Variants in DISC1 observed in about 807,000 individuals in gnomAD.
The protein encoded by DISC1 is disrupted in schizophrenia 1 protein.
DISC1 carries 57 observed loss-of-function variants against 84.5 expected under a neutral mutation model. The ratio of observed to expected loss-of-function variants is 0.67; its 90% confidence interval spans 0.55 to 0.84. The LOEUF (loss-of-function observed/expected upper bound fraction) is 0.84. Ranked by LOEUF, DISC1 falls within the 40% of genes least tolerant of loss-of-function variation. DISC1 has a pLI of 0.00. For missense variants in DISC1, 1,000 were observed against 1,057.8 expected (o/e 0.95, Z 0.76); for synonymous variants, 411 against 415.2 (o/e 0.99, Z 0.12).
intron 6 of DISC1, chr1:231,771,512 A>G: frequency 1.0e-6 from 1 of 985,442 alleles, no homozygotes; most frequent in Non-Finnish European, 1.2e-6. Flanking sequence ...GGAAGAATGG[A>G]TTGTTACTGG....
intron 9 of DISC1, among the ~76,000 whole-genome samples, chr1:231,953,549 T>C (rs759630734): frequency 4.6e-5 from 7 of 152,234 alleles, no homozygotes; most frequent in Non-Finnish European, 8.8e-5. Flanking sequence ...ACCTTAGATA[T>C]TTGAAAATTT....
intron 9 of DISC1, among the ~76,000 whole-genome samples, chr1:231,850,978 C>T (rs962518630): frequency 6.6e-6 from 1 of 152,178 alleles, no homozygotes; most frequent in Non-Finnish European, 1.5e-5. Context: ...GAAACCAGCA[C>T]TGGCAGGGTG....
intron 3 of DISC1, among the ~76,000 whole-genome samples, chr1:231,747,517 T>A (rs1172336052): frequency 6.6e-6 from 1 of 152,198 alleles, no homozygotes; most frequent in African/African-American, 2.4e-5. Context: ...GAGACCTTCT[T>A]TTCCCCGATT....
intron 9 of DISC1, among the ~76,000 whole-genome samples, chr1:231,873,429 A>G (rs2085614352): frequency 1.3e-5 from 2 of 152,202 alleles, no homozygotes; most frequent in Non-Finnish European, 2.9e-5. Context: ...TCCTTTGACT[A>G]GCGCCCCTTC....
At chr1:231,827,447 G>A (rs1335376275) in intron 9 of DISC1, among the ~76,000 whole-genome samples, 2 of 152,102 alleles carry the variant, frequency 1.3e-5, no homozygotes, top group African/African-American at 4.8e-5. Context: ...GATTAATTTG[G>A]TAAGAAATAT....
intron 1 of DISC1, among the ~76,000 whole-genome samples, chr1:231,658,854 T>G (rs1424394869): frequency 6.6e-6 from 1 of 152,240 alleles, no homozygotes; most frequent in East Asian, 1.9e-4. Flanking sequence ...GATAAGCTTT[T>G]TGATGTGCTG....
intron 6 of DISC1, among the ~76,000 whole-genome samples, chr1:231,781,054 A>G (rs1188462756): frequency 1.3e-5 from 2 of 150,362 alleles, no homozygotes; most frequent in Admixed American, 1.3e-4. Context: ...AGATATACCT[A>G]ATGCTAGATG....
At chr1:231,687,103 T>C (rs922175880) in intron 1 of DISC1, among the ~76,000 whole-genome samples, 3 of 152,212 alleles carry the variant, frequency 2.0e-5, no homozygotes, top group African/African-American at 7.2e-5. Flanking sequence ...GTTCCAAACT[T>C]TCTCACATTT....
chr1:231,851,095 C>G (rs2083864641), intron 9 of DISC1, among the ~76,000 whole-genome samples: 2 of 152,196 alleles, frequency 1.3e-5, no homozygotes, highest in Non-Finnish European at 2.9e-5. Flanking sequence ...CGAGCACTTA[C>G]TGAGCGCTTC....
intron 12 of DISC1, among the ~76,000 whole-genome samples, chr1:232,034,085 C>T (rs1463172973): frequency 6.6e-6 from 1 of 152,070 alleles, no homozygotes; most frequent in Non-Finnish European, 1.5e-5. Context: ...AGGGATCCTA[C>T]AGGCAGGTTG....
intron 9 of DISC1, among the ~76,000 whole-genome samples, chr1:231,833,564 T>G (rs1302184639): frequency 6.6e-6 from 1 of 151,706 alleles, no homozygotes; most frequent in Non-Finnish European, 1.5e-5. Flanking sequence ...CCAGGTGAGT[T>G]GAACAGTCCG....
At chr1:231,770,331 A>G (rs1218406569) in intron 5 of DISC1, among the ~76,000 whole-genome samples, 3 of 152,206 alleles carry the variant, frequency 2.0e-5, no homozygotes, top group African/African-American at 7.2e-5. Context: ...GCATGGCACC[A>G]TCTGCAGCAT....
chr1:231,977,656 G>A (rs144505942), intron 10 of DISC1, among the ~76,000 whole-genome samples: 20 of 152,220 alleles, frequency 1.3e-4, no homozygotes, highest in Middle Eastern at 3.4e-3. Flanking sequence ...ATAGGTTCCC[G>A]GGATTAGAAC....
chr1:232,019,826 T>G (rs1189411138), intron 11 of DISC1, among the ~76,000 whole-genome samples: 1 of 152,230 alleles, frequency 6.6e-6, no homozygotes, highest in Non-Finnish European at 1.5e-5. Flanking sequence ...TGAGAGGTCC[T>G]GTGCCCATCA....
intron 1 of DISC1, among the ~76,000 whole-genome samples, chr1:231,678,684 T>C (rs1048899117): frequency 6.6e-6 from 1 of 152,186 alleles, no homozygotes; most frequent in African/African-American, 2.4e-5. Context: ...TTTTTTTTCC[T>C]TGAGACGGAG....
chr1:231,964,099 T>C (rs553582902), intron 10 of DISC1, among the ~76,000 whole-genome samples: 2 of 152,306 alleles, frequency 1.3e-5, no homozygotes, highest in East Asian at 3.9e-4. Context: ...TGGCAGAAAT[T>C]GGGCATAAGA....
chr1:231,951,816 A>T (rs1658422762), intron 9 of DISC1, among the ~76,000 whole-genome samples: 1 of 152,048 alleles, frequency 6.6e-6, no homozygotes, highest in Admixed American at 6.6e-5. Flanking sequence ...CTGTAATCTC[A>T]GTACTTTGGG....
chr1:231,847,914 A>G (rs2083578552), intron 9 of DISC1, among the ~76,000 whole-genome samples: 2 of 152,222 alleles, frequency 1.3e-5, no homozygotes, highest in African/African-American at 4.8e-5. Flanking sequence ...GTGTCACTCA[A>G]ATATTTGCCA....
chr1:231,991,064 A>T (rs917208462), intron 10 of DISC1, among the ~76,000 whole-genome samples: 2 of 152,232 alleles, frequency 1.3e-5, no homozygotes, highest in African/African-American at 2.4e-5. Context: ...CTTCTCTAGA[A>T]CACAGAATAG....
Sources: allele counts gnomAD v4.1 joint callset (sites outside exome capture counted in the v4.1 genomes callset), GRCh38; gene constraint gnomAD v4.1.1; transcripts MANE v1.5; gene names NCBI Gene and HGNC (gene_info 2026-07-23, HGNC 2026-07-21).